The following HEATR5A variants were observed in gnomAD, a reference collection of about 807,000 sequenced individuals.
HEATR5A encodes HEAT repeat containing 5A.
HEATR5A carries 178 observed loss-of-function variants against 218.8 expected under a neutral mutation model. The ratio of observed to expected loss-of-function variants is 0.81; its 90% confidence interval spans 0.72 to 0.92. The LOEUF (loss-of-function observed/expected upper bound fraction) is 0.92. HEATR5A is among the 40% of genes least tolerant of loss of function. The pLI is 0.00. For synonymous variants in HEATR5A, 864 were observed against 871.6 expected, an observed-to-expected ratio of 0.99 and a Z score of 0.15; for missense variants, 2,420 against 2,418.9, an observed-to-expected ratio of 1.00 and a Z score of -0.01.
At chr14:31,396,616 T>C (rs2030664059) in intron 4 of HEATR5A, among the ~76,000 whole-genome samples, 1 of 152,218 alleles carries the variant, frequency 6.6e-6, no homozygotes, top group Admixed American at 6.5e-5. Context: ...TTAATTTATC[T>C]TTGTTTAAAG....
rs566610029 is a variant in HEATR5A, at chr14:31,349,953, T to C, written c.2544A>G (p.Leu848=). The change falls in exon 18 of 36, where the codon TTA becomes TTG. Residue 848 remains leucine, a synonymous_variant. Transcript: ENST00000543095. ...LKYVAGSKGC[L]GPEEMKRFAL... is the part of the protein sequence containing the mutation. ...CAAATCTTTTCATTTCTTCTGGACC[T>C]AAACATCCCTTGGAGCCAGCCACGT... 43 of 1,594,030 alleles carry C rather than the reference T, an allele frequency of 2.7e-5. No individual in the cohort carries two copies. The Admixed American group carries it at 5.5e-4, about 20-fold the overall frequency.
chr14:31,395,092 C>A, intron 5 of HEATR5A, 107 bp downstream of exon 5: 1 of 672,500 alleles, frequency 1.5e-6, no homozygotes, highest in Non-Finnish European at 2.3e-6. Flanking sequence ...ATGAGATAGT[C>A]CTAGCTGACT....
intron 7 of HEATR5A, 142 bp downstream of exon 7, chr14:31,388,703 T>C (rs987000536): frequency 5.4e-6 from 3 of 554,084 alleles, no homozygotes; most frequent in African/African-American, 1.9e-5. Flanking sequence ...AAAAATGTTT[T>C]GGCCTTACCA....
chr14:31,349,797 G>C lies in HEATR5A; in HGVS notation c.2700C>G (p.Ser900Arg), dbSNP rs534417342. 2.1e-5 allele frequency: 33 copies of C among 1,609,074 alleles called. No individual in the cohort carries two copies. Among genetic ancestry groups the C allele is most frequent in the Non-Finnish European group, 2.7e-5 (32 of 1,176,120 alleles). ...GAFTAGLAQV[S>R]FDKLKSARDV... ...ATAAGAAATTCACTTACTTGTCAAA[G>C]CTAACTTGAGCTAATCCAGCAGTAA... is the stretch of plus-strand genomic sequence containing the variant. The change falls in exon 18 of 36, where the codon AGC becomes AGG. Residue 900 changes from serine (S) to arginine (R), a missense_variant. By Grantham distance (110) the Ser-to-Arg change is moderately radical. Coordinates refer to ENST00000543095, the MANE Select transcript of HEATR5A (RefSeq NM_015473.4).
intron 5 of HEATR5A, among the ~76,000 whole-genome samples, chr14:31,394,480 CA>C (rs1355419433): frequency 6.6e-6 from 1 of 151,970 alleles, no homozygotes; most frequent in East Asian, 1.9e-4. Context: ...CCTTTAGAAT[CA>C]ATCTATTGGC....
At chr14:31,412,616 G>A (rs918338341) in intron 1 of HEATR5A, among the ~76,000 whole-genome samples, 6 of 152,152 alleles carry the variant, frequency 3.9e-5, no homozygotes, top group Non-Finnish European at 5.9e-5. Context: ...GTGGCCAGGT[G>A]CAGTGGCTCA....
At chr14:31,301,080 T>C (rs184685993) in intron 33 of HEATR5A, among the ~76,000 whole-genome samples, 46 of 152,336 alleles carry the variant, frequency 3.0e-4, no homozygotes, top group Admixed American at 2.6e-3. Flanking sequence ...AAATGCTGAC[T>C]GCAGTTGAAA....
intron 1 of HEATR5A, among the ~76,000 whole-genome samples, chr14:31,407,039 C>T (rs1807780282): frequency 1.4e-5 from 2 of 146,474 alleles, no homozygotes; most frequent in Non-Finnish European, 3.0e-5. Flanking sequence ...CCTATAATCC[C>T]AGCACTTCGA....
intron 27 of HEATR5A, among the ~76,000 whole-genome samples, 182 bp downstream of exon 27, chr14:31,315,588 G>A (rs561911466): frequency 6.6e-6 from 1 of 152,310 alleles, no homozygotes; most frequent in East Asian, 1.9e-4. Flanking sequence ...GACTACGGAA[G>A]ACTCTTTAAA....
chr14:31,315,420 C>T (rs1214404869), intron 27 of HEATR5A, among the ~76,000 whole-genome samples: 2 of 152,076 alleles, frequency 1.3e-5, no homozygotes, highest in African/African-American at 4.8e-5. Flanking sequence ...AATCATTCTA[C>T]GAAAGAGCAT....
At chr14:31,383,396 T>A (rs2030076048) in intron 10 of HEATR5A, 125 bp downstream of exon 10, 1 of 841,976 alleles carries the variant, frequency 1.2e-6, no homozygotes, top group South Asian at 2.0e-5. Flanking sequence ...AAATTGTAAA[T>A]GTACTTATAT....
chr14:31,392,176 A>G (rs916438193), intron 6 of HEATR5A, among the ~76,000 whole-genome samples: 3 of 152,238 alleles, frequency 2.0e-5, no homozygotes, highest in Admixed American at 2.0e-4. Context: ...CATAACATCA[A>G]AAAGCACTGC....
intron 6 of HEATR5A, among the ~76,000 whole-genome samples, chr14:31,392,551 T>A (rs1353851743): frequency 6.6e-6 from 1 of 152,222 alleles, no homozygotes. Flanking sequence ...GAATAATCAC[T>A]ATTAATTTAT....
At chr14:31,362,606 CAAAAAAA>C (rs71115003) in intron 14 of HEATR5A, among the ~76,000 whole-genome samples, 7 of 44,758 alleles carry the variant, frequency 1.6e-4, no homozygotes, top group African/African-American at 5.1e-4. Flanking sequence ...CTACAAATGA[CAAAAAAA>C]AAAAAAAAAA....
chr14:31,339,124 AAAAC>A (rs746394041), intron 21 of HEATR5A, among the ~76,000 whole-genome samples: 1 of 151,172 alleles, frequency 6.6e-6, no homozygotes, highest in Non-Finnish European at 1.5e-5. Flanking sequence ...TCAGGAAAAA[AAAAC>A]AAAAACAAAA....
chr14:31,384,149 A>G (rs1242319006), intron 9 of HEATR5A, among the ~76,000 whole-genome samples: 6 of 152,222 alleles, frequency 3.9e-5, no homozygotes, highest in Non-Finnish European at 8.8e-5. Context: ...TTGAAAAGAA[A>G]TGTCACACCC....
chr14:31,388,850 T>TA lies in HEATR5A; in HGVS notation c.927dup (p.Thr310TyrfsTer37). The TA allele has an allele frequency of 6.2e-7, 1 of 1,613,500 alleles. No homozygotes were observed. Among genetic ancestry groups the TA allele is most frequent in the Non-Finnish European group, 8.5e-7 (1 of 1,179,566 alleles). On this transcript the variant is annotated frameshift_variant, in exon 7 of 36. Coordinates refer to ENST00000543095, the MANE Select transcript of HEATR5A (RefSeq NM_015473.4). LOFTEE classifies it high-confidence loss of function. ...TACTGATTTGTGATTCCAACCTGAG[T>TA]AACTCCAACTCGAACATCCCTACTG...
At chr14:31,333,030 A>T (rs1450827736) in intron 22 of HEATR5A, among the ~76,000 whole-genome samples, 1 of 151,844 alleles carries the variant, frequency 6.6e-6, no homozygotes, top group Non-Finnish European at 1.5e-5. Flanking sequence ...ATTGAGCCTG[A>T]TGCAGAGCAA....
chr14:31,376,912 C>T (rs148806502), intron 11 of HEATR5A, among the ~76,000 whole-genome samples: 11 of 152,170 alleles, frequency 7.2e-5, no homozygotes, highest in African/African-American at 2.6e-4. Flanking sequence ...ATCACTTGAG[C>T]TCTGGAGTTC....
Sources: allele counts gnomAD v4.1 joint callset (sites outside exome capture counted in the v4.1 genomes callset), GRCh38; gene constraint gnomAD v4.1.1; transcripts MANE v1.5; gene names NCBI Gene and HGNC (gene_info 2026-07-23, HGNC 2026-07-21).